The following TM4SF18 variants were observed in gnomAD, a reference collection of about 807,000 sequenced individuals.
The protein encoded by TM4SF18 is transmembrane 4 L6 family member 18.
In TM4SF18, 22 loss-of-function variants were observed where a neutral mutation model predicts 23.8. The observed-to-expected ratio is 0.92, with a 90% CI of 0.66 to 1.32. TM4SF18 has a LOEUF of 1.32. Among genes scored for constraint, TM4SF18 ranks in the 40% most tolerant of loss-of-function variants. The pLI is 0.00. For synonymous variants in TM4SF18, 87 were observed against 87.9 expected, an observed-to-expected ratio of 0.99 and a Z score of 0.06; for missense variants, 255 against 240.3, an observed-to-expected ratio of 1.06 and a Z score of -0.41.
In TM4SF18 at chr3:149,326,996, G is replaced by A. The variant is rs112843323; in HGVS notation, c.268-1974C>T. Among the ~76,000 whole-genome samples, 113 of 152,266 alleles carry A rather than the reference G, an allele frequency of 7.4e-4. 2 individuals carry two copies. The highest frequency in any genetic ancestry group is 5.0e-4 in the Non-Finnish European group (34 of 68,022). Reference sequence around the variant, plus strand: ...GTTGTAGTCTCACTCTGTCACCCAGGCGGGAGTGCAGGGCCTGATCATGGC... The same window carrying A: ...GTTGTAGTCTCACTCTGTCACCCAGACGGGAGTGCAGGGCCTGATCATGGC... On this transcript the variant is annotated intron_variant, in intron 3 of 5. Coordinates refer to ENST00000296059, the MANE Select transcript of TM4SF18 (RefSeq NM_138786.4).
chr3:149,330,435 C>T lies in TM4SF18; in HGVS notation c.178-16G>A. The T allele has an allele frequency of 6.6e-7, 1 of 1,520,552 alleles. No individual in the cohort carries two copies. The highest frequency in any genetic ancestry group is 9.0e-7 in the Non-Finnish European group (1 of 1,106,760). 94.2% of individuals were successfully genotyped at this position (1,520,552 alleles called of 1,614,324 possible). ...CTATAAGCATCTATAGGAGGGAAGACATAAAATGTTAGCAATGAAATGCTA... is the reference window on the plus strand; with the variant it reads ...CTATAAGCATCTATAGGAGGGAAGATATAAAATGTTAGCAATGAAATGCTA... On this transcript the variant is annotated splice_polypyrimidine_tract_variant and intron_variant, in intron 2 of 5. Coordinates refer to ENST00000296059, the MANE Select transcript of TM4SF18 (RefSeq NM_138786.4).
intron 3 of TM4SF18, among the ~76,000 whole-genome samples, chr3:149,326,463 G>C (rs752457833): frequency 5.9e-5 from 9 of 152,040 alleles, no homozygotes; most frequent in Non-Finnish European, 1.2e-4. Context: ...TTTTCCTCTT[G>C]GCAATTAGTA....
intron 1 of TM4SF18, 33 bp downstream of exon 1, chr3:149,333,479 TC>T: frequency 2.1e-6 from 1 of 483,662 alleles, no homozygotes; most frequent in South Asian, 6.1e-5. Context: ...TCTCTCTCTC[TC>T]TCTTTTTTTT....
intron 5 of TM4SF18, 103 bp downstream of exon 5, chr3:149,322,153 G>A (rs1053903804): frequency 3.0e-6 from 3 of 1,016,290 alleles, no homozygotes; most frequent in Non-Finnish European, 4.3e-6. Flanking sequence ...ATAGAAATGG[G>A]GGGAAAGTGA....
chr3:149,332,746 T>C (rs1471963827), intron 2 of TM4SF18, among the ~76,000 whole-genome samples: 1 of 152,194 alleles, frequency 6.6e-6, no homozygotes, highest in Non-Finnish European at 1.5e-5. Flanking sequence ...GAAGGTCTCA[T>C]GGAACAAATG....
intron 2 of TM4SF18, among the ~76,000 whole-genome samples, chr3:149,332,630 T>C (rs1468818682): frequency 6.6e-6 from 1 of 152,190 alleles, no homozygotes; most frequent in Non-Finnish European, 1.5e-5. Flanking sequence ...TACATGTCAG[T>C]CTCTCTCCTG....
chr3:149,322,494 A>G (rs1481376068), intron 4 of TM4SF18, 58 bp from the exon 5 acceptor site: 1 of 1,458,494 alleles, frequency 6.9e-7, no homozygotes, highest in Non-Finnish European at 9.3e-7. Flanking sequence ...AGCTACAAGC[A>G]TTTGTATGTT....
Position 149,321,143 on chromosome 3 carries a change from A to G in TM4SF18, c.*335T>C, listed in dbSNP as rs1730793994. Reference sequence around the variant, plus strand: ...GAGTTTAGAATTTTGGGGTGTTTCCAATTTTCCAGAATATTAAATAATGTT... The same window carrying G: ...GAGTTTAGAATTTTGGGGTGTTTCCGATTTTCCAGAATATTAAATAATGTT... On this transcript the variant is annotated 3_prime_UTR_variant, in exon 6 of 6. Transcript: ENST00000296059. 1 of 183,264 alleles carries G rather than the reference A, an allele frequency of 5.5e-6. No individual in the cohort carries two copies. Among genetic ancestry groups the G allele is most frequent in the Non-Finnish European group, 1.1e-5 (1 of 88,556 alleles). The allele number at this position is 183,264 out of a possible 1,614,324, so 11.4% of individuals were successfully genotyped here.
intron 3 of TM4SF18, among the ~76,000 whole-genome samples, chr3:149,326,030 GTT>G (rs1166754713): frequency 6.6e-6 from 1 of 151,854 alleles, no homozygotes; most frequent in Non-Finnish European, 1.5e-5. Context: ...TTTATTATGT[GTT>G]TTTGTTACTG....
rs1459498137 is a variant in TM4SF18 at position 149,321,439 on chromosome 3, A to C, written c.*39T>G. The stretch of plus-strand genomic sequence containing the variant: ...CACAGTTGATATAATATTTAGATAG[A>C]TGGCCATGTCTTGATAATGGAAAAC... On this transcript the variant is annotated 3_prime_UTR_variant, in exon 6 of 6. Transcript: ENST00000296059. The C allele has an allele frequency of 1.4e-6, 2 of 1,470,308 alleles. No individual in the cohort carries two copies. Among genetic ancestry groups the C allele is most frequent in the Non-Finnish European group, 1.9e-6 (2 of 1,071,852 alleles). The allele number at this position is 1,470,308 out of a possible 1,614,324, so 91.1% of individuals were successfully genotyped here.
At chr3:149,322,473 C>G (rs1171058643) in intron 4 of TM4SF18, 37 bp from the exon 5 acceptor site, 1 of 1,560,494 alleles carries the variant, frequency 6.4e-7, no homozygotes, top group Non-Finnish European at 8.7e-7. Context: ...CATACTGGGT[C>G]CAAGGAAGAA....
At chr3:149,323,241 C>A (rs528447210) in intron 4 of TM4SF18, among the ~76,000 whole-genome samples, 1 of 152,238 alleles carries the variant, frequency 6.6e-6, no homozygotes, top group African/African-American at 2.4e-5. Flanking sequence ...TATCTAACCC[C>A]AGAGTTATTG....
Position 149,333,625 on chromosome 3 carries a change from T to C in TM4SF18, c.-130A>G, listed in dbSNP as rs1473633592. ...TACTGGTTTACTGTTTGGAGAACAA[T>C]AGACAATGATCAACAACTGAAGAGC... On this transcript the variant is annotated 5_prime_UTR_variant, in exon 1 of 6. Coordinates refer to ENST00000296059, the MANE Select transcript of TM4SF18 (RefSeq NM_138786.4). The C allele has an allele frequency of 5.3e-6, 2 of 380,716 alleles. No homozygotes were observed. The highest frequency in any genetic ancestry group is 3.8e-5 in the East Asian group (1 of 26,186). 23.6% of individuals were successfully genotyped at this position (380,716 alleles called of 1,614,324 possible). A position where few individuals can be genotyped will look rare whatever the true frequency, so the allele number is the denominator to read the frequency against.
chr3:149,332,480 G>A (rs757184162), intron 2 of TM4SF18, among the ~76,000 whole-genome samples: 7 of 152,206 alleles, frequency 4.6e-5, no homozygotes, highest in Middle Eastern at 6.8e-3. Context: ...TCAGGAAAAC[G>A]TTCATGGATT....
chr3:149,326,609 C>CT lies in TM4SF18; in HGVS notation c.268-1588dup, dbSNP rs570897858. 1.6e-3 allele frequency among the ~76,000 whole-genome samples: 244 copies of CT among 152,316 alleles called. 1 individual carries two copies. The highest frequency in any genetic ancestry group is 5.3e-3 in the African/African-American group (221 of 41,572). On this transcript the variant is annotated intron_variant, in intron 3 of 5. Coordinates refer to ENST00000296059, the MANE Select transcript of TM4SF18 (RefSeq NM_138786.4). ...CAATCACTGTGGTTCCAATGTGCTG[C>CT]TTTCATAATGCTATAATTTATCTGC...
chr3:149,322,255 C>T lies in TM4SF18; in HGVS notation c.591+1G>A. On this transcript the variant is annotated splice_donor_variant, in intron 5 of 5. Coordinates refer to ENST00000296059, the MANE Select transcript of TM4SF18 (RefSeq NM_138786.4). LOFTEE classifies it high-confidence loss of function. Reference sequence around the variant, plus strand: ...TACAGGTGCCCATGAGAATCTGTTACCTGGAAGATCACTGAATAGCTTCCA... The same window carrying T: ...TACAGGTGCCCATGAGAATCTGTTATCTGGAAGATCACTGAATAGCTTCCA... 1 of 1,608,594 alleles carries T rather than the reference C, an allele frequency of 6.2e-7. No individual in the cohort carries two copies.
At chr3:149,321,591 C>T in intron 5 of TM4SF18, 99 bp from the exon 6 acceptor site, 1 of 740,118 alleles carries the variant, frequency 1.4e-6, no homozygotes, top group Non-Finnish European at 2.2e-6. Flanking sequence ...ATTTCATATT[C>T]AAAATATGAT....
At chr3:149,331,471 C>G (rs1178450807) in intron 2 of TM4SF18, among the ~76,000 whole-genome samples, 1 of 152,080 alleles carries the variant, frequency 6.6e-6, no homozygotes, top group Non-Finnish European at 1.5e-5. Context: ...GAAAGAAATT[C>G]TGGTCTAATC....
chr3:149,321,470 G>T lies in TM4SF18; in HGVS notation c.*8C>A, dbSNP rs749287985. On this transcript the variant is annotated 3_prime_UTR_variant, in exon 6 of 6. Coordinates refer to ENST00000296059, the MANE Select transcript of TM4SF18 (RefSeq NM_138786.4). ...ATGTCTTGATAATGGAAAACATTTT[G>T]TCCTTATTCAAATGATTCCAGGCTA... The T allele has an allele frequency of 6.4e-7, 1 of 1,569,350 alleles. No individual in the cohort carries two copies. The highest frequency in any genetic ancestry group is 8.7e-7 in the Non-Finnish European group (1 of 1,152,042).
Sources: gnomAD v4.1 joint callset for allele counts (sites outside exome capture counted in the v4.1 genomes callset) on GRCh38, gnomAD v4.1.1 for gene constraint, MANE v1.5 for transcripts, NCBI Gene and HGNC (gene_info 2026-07-23, HGNC 2026-07-21) for gene names.